Variants in POLR3E observed in about 807,000 individuals in gnomAD.
POLR3E encodes RNA polymerase III subunit E.
In POLR3E, 41 loss-of-function variants were observed where a neutral mutation model predicts 96.6. The observed-to-expected ratio is 0.42, with a 90% CI of 0.33 to 0.55. The LOEUF is 0.55. Among genes scored for constraint, POLR3E ranks in the 20% least tolerant of loss-of-function variants. POLR3E has a pLI of 0.06. For synonymous variants in POLR3E, 396 were observed against 383.6 expected, an observed-to-expected ratio of 1.03 and a Z score of -0.38; for missense variants, 849 against 952.1, an observed-to-expected ratio of 0.89 and a Z score of 1.43.
intron 18 of POLR3E, 181 bp downstream of exon 18, chr16:22,326,459 T>G (rs867537984): frequency 1.2e-5 from 8 of 644,104 alleles, no homozygotes; most frequent in Middle Eastern, 5.0e-4. Flanking sequence ...TGGGATCATG[T>G]TGGGTTTTAT....
chr16:22,326,062 C>T lies in POLR3E; in HGVS notation c.1650C>T (p.Pro550=). 6.2e-7 allele frequency: 1 copy of T among 1,611,244 alleles called. No individual in the cohort carries two copies. The highest frequency in any genetic ancestry group is 8.5e-7 in the Non-Finnish European group (1 of 1,178,354). ...CAGACAGCTTCAACGGGCACCCGCCCCAGGGCTGCGCCAGCACCCCTGTGG... is the reference window on the plus strand; with the variant it reads ...CAGACAGCTTCAACGGGCACCCGCCTCAGGGCTGCGCCAGCACCCCTGTGG... ...AGTDSFNGHP[P]QGCASTPVAR... Residue 550 remains proline (P), a synonymous_variant, in exon 18 of 21, where the codon CCC becomes CCT. Coordinates refer to ENST00000299853, the MANE Select transcript of POLR3E (RefSeq NM_018119.4).
chr16:22,306,328 G>A (rs1008063010), intron 3 of POLR3E, among the ~76,000 whole-genome samples: 5 of 152,000 alleles, frequency 3.3e-5, no homozygotes, highest in African/African-American at 7.2e-5. Context: ...GCTTGATTGC[G>A]GCTCACCACA....
chr16:22,319,051 T>C (rs775712771), intron 13 of POLR3E, 105 bp downstream of exon 13: 176 of 775,760 alleles, frequency 2.3e-4, no homozygotes, highest in Non-Finnish European at 3.2e-4. Context: ...CTCGGCTCAC[T>C]GTAACTTCTC....
chr16:22,323,171 C>G (rs1237885258), intron 14 of POLR3E, among the ~76,000 whole-genome samples: 1 of 152,096 alleles, frequency 6.6e-6, no homozygotes, highest in Non-Finnish European at 1.5e-5. Flanking sequence ...TTCATTCGGC[C>G]TGAGTGGTGG....
Position 22,313,593 on chromosome 16 carries a change from G to T in POLR3E, c.365-27G>T, listed in dbSNP as rs773688711. ...CCAAACTGGGTGGGTTTCTAGAGTT[G>T]AGTCCAAGCCCTTCTTCCTCCGCCA... is the stretch of plus-strand genomic sequence containing the variant. On this transcript the variant is annotated intron_variant, in intron 6 of 20. Coordinates refer to ENST00000299853, the MANE Select transcript of POLR3E (RefSeq NM_018119.4). This position sits in a 1 kb window ranked among gnomAD's most constrained non-coding sequence, Gnocchi z 4.1. 7 of 1,526,808 alleles carry T rather than the reference G, an allele frequency of 4.6e-6. No individual in the cohort carries two copies. The highest frequency in any genetic ancestry group is 6.4e-6 in the Non-Finnish European group (7 of 1,101,256). The allele number at this position is 1,526,808 out of a possible 1,614,324, so 94.6% of individuals were successfully genotyped here.
chr16:22,332,958 G>A (rs1016960692), intron 20 of POLR3E, among the ~76,000 whole-genome samples: 2 of 139,568 alleles, frequency 1.4e-5, no homozygotes, highest in Non-Finnish European at 3.1e-5. Context: ...TCTGTATTTC[G>A]TAGACCCCCT....
At chr16:22,323,471 GC>G (rs1427036881) in intron 14 of POLR3E, among the ~76,000 whole-genome samples, 1 of 152,116 alleles carries the variant, frequency 6.6e-6, no homozygotes, top group Non-Finnish European at 1.5e-5. Flanking sequence ...GCAGCTGGGA[GC>G]CACAGTCTTC....
At chr16:22,304,599 A>G (rs559535787) in intron 2 of POLR3E, among the ~76,000 whole-genome samples, 3 of 149,284 alleles carry the variant, frequency 2.0e-5, no homozygotes, top group African/African-American at 7.3e-5. Context: ...GCAAAGGCCC[A>G]GGGGTAGGAG....
intron 19 of POLR3E, among the ~76,000 whole-genome samples, chr16:22,330,360 C>A (rs569950046): frequency 6.5e-4 from 99 of 152,326 alleles, no homozygotes; most frequent in African/African-American, 2.3e-3. Flanking sequence ...GCTGGGATTA[C>A]AAGCGTGAGC....
chr16:22,308,071 C>A, intron 3 of POLR3E, 77 bp from the exon 4 acceptor site: 1 of 1,051,318 alleles, frequency 9.5e-7, no homozygotes, highest in Non-Finnish European at 1.5e-6. Flanking sequence ...TTGGAGATAG[C>A]TGTTGATTCT....
intron 1 of POLR3E, among the ~76,000 whole-genome samples, chr16:22,301,495 C>T (rs1369221239): frequency 1.3e-5 from 2 of 152,160 alleles, no homozygotes; most frequent in African/African-American, 2.4e-5. Flanking sequence ...GCAGGAGAAT[C>T]ACTTGAACCT....
intron 3 of POLR3E, among the ~76,000 whole-genome samples, chr16:22,306,765 G>A (rs1186627388): frequency 1.3e-5 from 2 of 152,336 alleles, no homozygotes; most frequent in Admixed American, 6.5e-5. Flanking sequence ...CTGGGTCTGC[G>A]TTTAGCTTTT....
intron 19 of POLR3E, 199 bp from the exon 20 acceptor site, chr16:22,331,861 C>T: frequency 1.9e-6 from 1 of 517,870 alleles, no homozygotes; most frequent in South Asian, 2.3e-5. Context: ...AATGCCTTTA[C>T]TTTTGTGTTT....
At position 22,334,848 on chromosome 16, in the gene POLR3E, T is replaced by C. The variant is rs928137673; in HGVS notation, c.*1148T>C. 2.6e-5 allele frequency: 4 copies of C among 152,348 alleles called. No individual in the cohort carries two copies. Among genetic ancestry groups the C allele is most frequent in the African/African-American group, 9.6e-5 (4 of 41,584 alleles). The allele number at this position is 152,348 out of a possible 1,614,324, so 9.4% of individuals were successfully genotyped here. A position where few individuals can be genotyped will look rare whatever the true frequency, so the allele number is the denominator to read the frequency against. On this transcript the variant is annotated 3_prime_UTR_variant, in exon 21 of 21. Transcript: ENST00000299853. The stretch of plus-strand genomic sequence containing the variant: ...TGGATGACATGTGAATTTTGGTATC[T>C]AGATAAGGCTTTCGCCATCTTTTTT...
At chr16:22,329,653 C>G (rs932088108) in intron 19 of POLR3E, among the ~76,000 whole-genome samples, 2 of 152,056 alleles carry the variant, frequency 1.3e-5, no homozygotes, top group Non-Finnish European at 2.9e-5. Flanking sequence ...TAGAGGGTAT[C>G]TGAAATACTT....
At chr16:22,314,665 T>C (rs1423330343) in intron 8 of POLR3E, among the ~76,000 whole-genome samples, 1 of 152,104 alleles carries the variant, frequency 6.6e-6, no homozygotes, top group Non-Finnish European at 1.5e-5. Context: ...TGGTGAGTGT[T>C]TGGAAGCCCT....
rs746770760 is a variant in POLR3E, at chr16:22,318,786, G to A, written c.866-40G>A. On this transcript the variant is annotated intron_variant, in intron 12 of 20. Coordinates refer to ENST00000299853, the MANE Select transcript of POLR3E (RefSeq NM_018119.4). The surrounding 1 kb of genome is among the most constrained non-coding windows in gnomAD (Gnocchi z 5.0). The stretch of plus-strand genomic sequence containing the variant: ...TCGGTGGAGGGGAGGGAAGGGCCCG[G>A]CCCCTCTTCCTTGTCTGATGTCTCC... The A allele has an allele frequency of 5.6e-6, 9 of 1,595,586 alleles. No individual in the cohort carries two copies. The highest frequency in any genetic ancestry group is 7.7e-6 in the Non-Finnish European group (9 of 1,168,540).
Position 22,313,593 on chromosome 16 carries a change from G to C in POLR3E, c.365-27G>C. ...CCAAACTGGGTGGGTTTCTAGAGTT[G>C]AGTCCAAGCCCTTCTTCCTCCGCCA... On this transcript the variant is annotated intron_variant, in intron 6 of 20. Transcript: ENST00000299853. This position sits in a 1 kb window ranked among gnomAD's most constrained non-coding sequence, Gnocchi z 4.1. 6.5e-7 allele frequency: 1 copy of C among 1,526,808 alleles called. No individual in the cohort carries two copies. Among genetic ancestry groups the C allele is most frequent in the African/African-American group, 1.4e-5 (1 of 73,178 alleles). 94.6% of individuals were successfully genotyped at this position (1,526,808 alleles called of 1,614,324 possible).
intron 3 of POLR3E, 47 bp from the exon 4 acceptor site, chr16:22,308,101 G>T (rs773065398): frequency 4.2e-6 from 6 of 1,430,598 alleles, no homozygotes; most frequent in Non-Finnish European, 3.9e-6. Flanking sequence ...CCCAGCTCTG[G>T]GCATGGCTGG....
Sources: allele counts gnomAD v4.1 joint callset (sites outside exome capture counted in the v4.1 genomes callset), GRCh38; gene constraint gnomAD v4.1.1; non-coding constraint Gnocchi (gnomAD v3.1); transcripts MANE v1.5; gene names NCBI Gene and HGNC (gene_info 2026-07-23, HGNC 2026-07-21).